EMB: variants seen among roughly 807,000 people sequenced by gnomAD.
EMB encodes embigin homolog.
EMB carries 31 observed loss-of-function variants against 41.4 expected under a neutral mutation model. The ratio of observed to expected loss-of-function variants is 0.75; its 90% CI spans 0.56 to 1.01. The LOEUF (loss-of-function observed/expected upper bound fraction) is 1.01. EMB is among the 50% of genes least tolerant of loss of function. EMB has a pLI of 0.00. For missense variants in EMB, 379 were observed against 388.3 expected (o/e 0.98, Z 0.20); for synonymous variants, 137 against 140.4 (o/e 0.98, Z 0.17).
At position 50,403,337 on chromosome 5, in the gene EMB, G is replaced by C; in HGVS notation, c.718C>G (p.Leu240Val). 1 of 1,612,816 alleles carries C rather than the reference G, an allele frequency of 6.2e-7. No individual in the cohort carries two copies. Among genetic ancestry groups the C allele is most frequent in the Non-Finnish European group, 8.5e-7 (1 of 1,179,238 alleles). The part of the protein sequence containing the change: ...EDGESYWCRA[L>V]FQLGESEEHI... ...TCTTCACTCTCGCCTAATTGGAATA[G>C]TGCACGGCACCAGTAAGATTCCCCA... Residue 240 changes from leucine (L) to valine (V), a missense_variant, in exon 6 of 9, where the codon CTA (leucine) becomes GTA (valine). Leu to Val is a conservative substitution (Grantham distance 32). Coordinates refer to ENST00000303221, the MANE Select transcript of EMB (RefSeq NM_198449.3).
At chr5:50,441,831 G>T (rs1745920806), upstream of EMB, among the ~76,000 whole-genome samples, 1 of 152,084 alleles carries the variant, frequency 6.6e-6, no homozygotes, top group Non-Finnish European at 1.5e-5. Flanking sequence ...CTTTATTTTT[G>T]TTTGTTAAGC....
At chr5:50,437,577 A>T (rs1745825512) in intron 1 of EMB, among the ~76,000 whole-genome samples, 1 of 152,166 alleles carries the variant, frequency 6.6e-6, no homozygotes, top group Non-Finnish European at 1.5e-5. Flanking sequence ...TATTTATTTG[A>T]TGCTCAATTT....
chr5:50,411,403 C>G lies in EMB; in HGVS notation c.197-20G>C, dbSNP rs773995778. 20 of 1,523,622 alleles carry G rather than the reference C, an allele frequency of 1.3e-5. No homozygotes were observed. The highest frequency in any genetic ancestry group is 1.8e-5 in the Non-Finnish European group (20 of 1,126,470). 94.4% of individuals were successfully genotyped at this position (1,523,622 alleles called of 1,614,324 possible). On this transcript the variant is annotated intron_variant, in intron 2 of 8. Coordinates refer to ENST00000303221, the MANE Select transcript of EMB (RefSeq NM_198449.3). ...AATGTTCTATTAGCACAAAAGAGGA[C>G]AAAATGTGAAAGTTATATTCAGAGG...
rs377549616 is a variant in EMB at position 50,411,393 on chromosome 5, C to T, written c.197-10G>A. 6 of 1,541,044 alleles carry T rather than the reference C, an allele frequency of 3.9e-6. No individual in the cohort carries two copies. In the African/African-American group the frequency reaches 6.9e-5, roughly 18 times the overall value. On this transcript the variant is annotated splice_polypyrimidine_tract_variant and intron_variant, in intron 2 of 8. Coordinates refer to ENST00000303221, the MANE Select transcript of EMB (RefSeq NM_198449.3). ...GGCATACTAGAATGTTCTATTAGCA[C>T]AAAAGAGGACAAAATGTGAAAGTTA... is the stretch of plus-strand genomic sequence containing the variant.
At chr5:50,402,158 C>T in intron 7 of EMB, 128 bp downstream of exon 7, 1 of 939,226 alleles carries the variant, frequency 1.1e-6, no homozygotes, top group Non-Finnish European at 1.7e-6. Flanking sequence ...CACTTTCCAC[C>T]ACCACGTGGA....
At chr5:50,429,516 A>T (rs1243440132) in intron 1 of EMB, among the ~76,000 whole-genome samples, 1 of 152,186 alleles carries the variant, frequency 6.6e-6, no homozygotes, top group African/African-American at 2.4e-5. Context: ...CGCCTAGTAA[A>T]ATAACGTACC....
intron 4 of EMB, among the ~76,000 whole-genome samples, chr5:50,406,106 T>C (rs1489874444): frequency 6.6e-6 from 1 of 151,878 alleles, no homozygotes; most frequent in African/African-American, 2.4e-5. Context: ...AACAAAAGTA[T>C]TGTTCCTTTT....
chr5:50,416,579 T>G (rs1385801902), intron 2 of EMB, among the ~76,000 whole-genome samples: 4 of 152,158 alleles, frequency 2.6e-5, no homozygotes, highest in South Asian at 4.1e-4. Context: ...CAAACATGCT[T>G]TAAAGATAGA....
upstream of EMB, among the ~76,000 whole-genome samples, chr5:50,442,498 C>T (rs1745930243): frequency 7.7e-6 from 1 of 129,536 alleles, no homozygotes; most frequent in South Asian, 2.5e-4. Flanking sequence ...TGCACAAATG[C>T]ACGCATGCAC....
In EMB at chr5:50,438,854, A is replaced by G. The variant is rs185040400; in HGVS notation, c.112+2186T>C. 2.3e-3 allele frequency among the ~76,000 whole-genome samples: 344 copies of G among 150,344 alleles called. 3 individuals are homozygous for G. The highest frequency in any genetic ancestry group is 7.9e-3 in the African/African-American group (325 of 40,910). On this transcript the variant is annotated intron_variant, in intron 1 of 8. Coordinates refer to ENST00000303221, the MANE Select transcript of EMB (RefSeq NM_198449.3). The stretch of plus-strand genomic sequence containing the variant: ...TAGAGTGACATCCCCTCCCCCATTC[A>G]TCTTATTGATTTACACCTTCATTTA...
chr5:50,424,611 G>A (rs889726387), intron 2 of EMB, among the ~76,000 whole-genome samples: 15 of 152,164 alleles, frequency 9.9e-5, no homozygotes, highest in African/African-American at 3.6e-4. Context: ...AAGATAAGGG[G>A]ATGGGAAACA....
intron 4 of EMB, among the ~76,000 whole-genome samples, chr5:50,409,097 C>A (rs1745292944): frequency 6.6e-6 from 1 of 152,118 alleles, no homozygotes; most frequent in Non-Finnish European, 1.5e-5. Flanking sequence ...TTCCTTAAAG[C>A]CTTGATTTAA....
At chr5:50,413,982 A>G (rs1745387304) in intron 2 of EMB, among the ~76,000 whole-genome samples, 2 of 152,200 alleles carry the variant, frequency 1.3e-5, no homozygotes, top group Admixed American at 1.3e-4. Flanking sequence ...TTAAAAGAAA[A>G]GCAAAACTGA....
chr5:50,405,567 CTGTT>C (rs1420025008), intron 5 of EMB, among the ~76,000 whole-genome samples, 154 bp downstream of exon 5: 5 of 151,880 alleles, frequency 3.3e-5, no homozygotes, highest in East Asian at 1.9e-4. Context: ...AATGACAACT[CTGTT>C]TGTCACTGCT....
At chr5:50,420,831 A>G (rs1745508739) in intron 2 of EMB, among the ~76,000 whole-genome samples, 2 of 152,234 alleles carry the variant, frequency 1.3e-5, no homozygotes. Context: ...AGGTTCAAGC[A>G]TATTAAAATT....
At chr5:50,414,788 T>C (rs763823333) in intron 2 of EMB, among the ~76,000 whole-genome samples, 1 of 152,186 alleles carries the variant, frequency 6.6e-6, no homozygotes, top group Non-Finnish European at 1.5e-5. Context: ...ACCTTATTCC[T>C]TGCAGTTCCC....
chr5:50,433,874 T>C (rs557621917), intron 1 of EMB, among the ~76,000 whole-genome samples: 1 of 152,330 alleles, frequency 6.6e-6, no homozygotes, highest in South Asian at 2.1e-4. Flanking sequence ...TGCCTCTGCC[T>C]AGCATCTGGG....
intron 2 of EMB, 179 bp from the exon 3 acceptor site, chr5:50,411,562 A>C (rs1745338646): frequency 2.1e-6 from 1 of 474,984 alleles, no homozygotes; most frequent in African/African-American, 2.0e-5. Flanking sequence ...TTATATGCAC[A>C]CCTAAAGAAA....
intron 6 of EMB, among the ~76,000 whole-genome samples, chr5:50,402,742 T>A (rs190274285): frequency 2.4e-4 from 36 of 151,538 alleles, no homozygotes; most frequent in Non-Finnish European, 2.5e-4. Context: ...TAATAAAATA[T>A]TTTTTTAAAT....
Sources: allele counts gnomAD v4.1 joint callset (sites outside exome capture counted in the v4.1 genomes callset), GRCh38; gene constraint gnomAD v4.1.1; transcripts MANE v1.5; gene names NCBI Gene and HGNC (gene_info 2026-07-23, HGNC 2026-07-21).